TSACC: variants seen among roughly 807,000 people sequenced by gnomAD.
TSACC encodes TSSK6-activating co-chaperone protein.
Under a neutral mutation model 6.9 loss-of-function variants are expected in TSACC, and 3 were observed. That is an observed-to-expected ratio of 0.43 (90% CI 0.20 to 1.12). The LOEUF (loss-of-function observed/expected upper bound fraction) is 1.12, where lower values mean the gene tolerates loss of function less well. TSACC is among the 50% of genes most tolerant of loss of function. TSACC has a pLI of 0.28. For synonymous variants in TSACC, 54 were observed against 55.1 expected (o/e 0.98, Z 0.09); for missense variants, 137 against 143.9 (o/e 0.95, Z 0.24).
At chr1:156,343,581 C>T (rs549845728) in intron 2 of TSACC, among the ~76,000 whole-genome samples, 3 of 152,186 alleles carry the variant, frequency 2.0e-5, no homozygotes, top group Admixed American at 6.5e-5. Flanking sequence ...TCTGGCCCAA[C>T]TTACCTCATG....
chr1:156,339,440 G>A (rs1177361242), intron 1 of TSACC, among the ~76,000 whole-genome samples, 194 bp from the exon 2 acceptor site: 1 of 152,106 alleles, frequency 6.6e-6, no homozygotes, highest in Non-Finnish European at 1.5e-5. Context: ...GTGAGAACAC[G>A]GAAAGTAACT....
chr1:156,341,443 C>T (rs144352134), intron 2 of TSACC, among the ~76,000 whole-genome samples: 1 of 152,312 alleles, frequency 6.6e-6, no homozygotes, highest in Non-Finnish European at 1.5e-5. Context: ...TGACTGTCTA[C>T]ACTGCAAGAC....
chr1:156,344,474 T>A, intron 2 of TSACC, 106 bp from the exon 3 acceptor site: 1 of 1,447,734 alleles, frequency 6.9e-7, no homozygotes, highest in Non-Finnish European at 9.3e-7. Context: ...TGTAACATAT[T>A]CACGGCAGGG....
At chr1:156,342,772 T>C (rs1323088479) in intron 2 of TSACC, among the ~76,000 whole-genome samples, 7 of 152,246 alleles carry the variant, frequency 4.6e-5, no homozygotes, top group Admixed American at 3.9e-4. Context: ...TAGTGACCAC[T>C]TCTGTTTAGC....
rs1323269460 is a variant in TSACC, at chr1:156,344,701, G to T, written c.156G>T (p.Leu52=). 4 of 1,613,764 alleles carry T rather than the reference G, an allele frequency of 2.5e-6. No homozygotes were observed. In the African/African-American group the frequency reaches 5.3e-5, roughly 22 times the overall value. Residue 52 remains leucine, a synonymous_variant, in exon 3 of 4, where the codon CTG becomes CTT. Coordinates refer to ENST00000368254, the MANE Select transcript of TSACC (RefSeq NM_001304817.2). ...TTCTGAACATCCAGACAACAAAGCT[G>T]CCCTCGGGTAAGGATGTAGGGAGGG... The part of the protein sequence containing the change: ...ATFLNIQTTK[L]PSVDHKPKEC...
rs2101708700 is a variant in TSACC at position 156,342,273 on chromosome 1, A to G, written c.35-2307A>G. On this transcript the variant is annotated intron_variant, in intron 2 of 3. Coordinates refer to ENST00000368254, the MANE Select transcript of TSACC (RefSeq NM_001304817.2). ...AAGTGACTGATGACTCTGGAGCAGG[A>G]GGGAAAAGAAGATGGATGACCTACC... 2.0e-5 allele frequency among the ~76,000 whole-genome samples: 3 copies of G among 152,292 alleles called. No individual in the cohort carries two copies. The Middle Eastern group carries it at 0.01, about 518-fold the overall frequency.
intron 3 of TSACC, among the ~76,000 whole-genome samples, chr1:156,345,827 G>A (rs1047185492): frequency 6.1e-5 from 9 of 148,052 alleles, no homozygotes; most frequent in African/African-American, 1.5e-4. Context: ...GGATTGTGCC[G>A]CTGCACTGCA....
rs189476961 is a variant in TSACC, at chr1:156,344,152, T to C, written c.35-428T>C. Among the ~76,000 whole-genome samples, 26 of 152,344 alleles carry C rather than the reference T, an allele frequency of 1.7e-4. No homozygotes were observed. In the East Asian group the frequency reaches 4.4e-3, roughly 26 times the overall value. On this transcript the variant is annotated intron_variant, in intron 2 of 3. Transcript: ENST00000368254. ...TTTAAGAAACATTCATTTTTACCTT[T>C]AATCACATAGTATAACTAACAGATA...
chr1:156,346,898 T>A lies in TSACC; in HGVS notation c.294T>A (p.Ala98=). 1 of 1,614,202 alleles carries A rather than the reference T, an allele frequency of 6.2e-7. No individual in the cohort carries two copies. ...TACAGGCATCTGTGACACAACTGGC[T>A]CCTGGGAGGGGAAGCAATAACTCTT... ...EHLQASVTQL[A]PGRGSNNSSL... is the part of the protein sequence containing the mutation. The change falls in exon 4 of 4, where the codon GCT becomes GCA. Residue 98 remains alanine, a synonymous_variant. Transcript: ENST00000368254.
rs1490659007 is a variant in TSACC at position 156,344,624 on chromosome 1, A to G, written c.79A>G (p.Lys27Glu). The change falls in exon 3 of 4, where the codon AAA (lysine) becomes GAA (glutamate). Residue 27 changes from lysine (K) to glutamate (E), a missense_variant. Physicochemically the swap from Lys to Glu is moderately conservative, Grantham distance 56 (BLOSUM62 1). Transcript: ENST00000368254. The stretch of plus-strand genomic sequence containing the variant: ...TAATGCTGTGCCTCTCTGTAGAGCA[A>G]AACCCTCCCCCAGCTATATTAATCT... Reference protein sequence around the residue: ...EANAVPLCRAKPSPSYINLQA... With the variant: ...EANAVPLCRAEPSPSYINLQA... The G allele has an allele frequency of 6.2e-7, 1 of 1,613,962 alleles. No homozygotes were observed. Among genetic ancestry groups the G allele is most frequent in the Non-Finnish European group, 8.5e-7 (1 of 1,180,008 alleles).
At chr1:156,338,905 G>A (rs1019282487) in intron 1 of TSACC, 7 of 152,746 alleles carry the variant, frequency 4.6e-5, no homozygotes, top group African/African-American at 1.4e-4. Context: ...CTTTCAGTGA[G>A]GCTGTGAGCA....
At chr1:156,341,462 C>G (rs1339418263) in intron 2 of TSACC, among the ~76,000 whole-genome samples, 2 of 152,264 alleles carry the variant, frequency 1.3e-5, no homozygotes, top group South Asian at 4.1e-4. Context: ...ACTATCAGTT[C>G]CAGGAGAGTA....
upstream of TSACC, chr1:156,338,254 A>G (rs370238899): frequency 1.0e-4 from 158 of 1,509,454 alleles, no homozygotes; most frequent in Middle Eastern, 8.5e-4. Flanking sequence ...AGAGAGAACC[A>G]GACAGAAGCC....
upstream of TSACC, chr1:156,338,506 G>C (rs929652215): frequency 2.0e-6 from 1 of 512,176 alleles, no homozygotes; most frequent in Non-Finnish European, 3.5e-6. Flanking sequence ...GAACGTCGGC[G>C]CAGGCGCCAA....
rs374762743 is a variant in TSACC at position 156,344,502 on chromosome 1, A to G, written c.35-78A>G. Reference sequence around the variant, plus strand: ...CGGCAGGGCCTGGGCACCTGCTTTCATGGACCAGGTGCAGGGATCTAATTA... The same window carrying G: ...CGGCAGGGCCTGGGCACCTGCTTTCGTGGACCAGGTGCAGGGATCTAATTA... On this transcript the variant is annotated intron_variant, in intron 2 of 3. Transcript: ENST00000368254. The G allele has an allele frequency of 9.1e-6, 14 of 1,542,270 alleles. No homozygotes were observed. In the East Asian group the frequency reaches 2.3e-4, roughly 25 times the overall value.
rs1165509609 is a variant in TSACC, at chr1:156,339,630, G to C, written c.-124-4G>C. 1.0e-5 allele frequency: 12 copies of C among 1,178,104 alleles called. No homozygotes were observed. Among genetic ancestry groups the C allele is most frequent in the Non-Finnish European group, 1.4e-5 (12 of 827,620 alleles). 73.0% of individuals were successfully genotyped at this position (1,178,104 alleles called of 1,614,324 possible). On this transcript the variant is annotated splice_polypyrimidine_tract_variant and splice_region_variant and intron_variant, in intron 1 of 3. Transcript: ENST00000368254. ...AATAGAGTTTCCTACTTTTTCCTCT[G>C]CAGATTGGAACAGGCTGAGATCTGC...
At position 156,344,466 on chromosome 1, in the gene TSACC, TAACATA is replaced by T. The variant is rs1666055970; in HGVS notation, c.35-113_35-108del. On this transcript the variant is annotated intron_variant, in intron 2 of 3. Transcript: ENST00000368254. The stretch of plus-strand genomic sequence containing the variant: ...TTGTCTTATGTATCTTTCTGATATG[TAACATA>T]TTCACGGCAGGGCCTGGGCACCTGC... 1.4e-5 allele frequency: 20 copies of T among 1,404,444 alleles called. No homozygotes were observed. In the South Asian group the frequency reaches 2.8e-4, roughly 19 times the overall value. The allele number at this position is 1,404,444 out of a possible 1,614,324, so 87.0% of individuals were successfully genotyped here.
intron 1 of TSACC, 74 bp from the exon 2 acceptor site, chr1:156,339,560 G>A (rs1186087086): frequency 1.8e-6 from 1 of 565,714 alleles, no homozygotes; most frequent in Non-Finnish European, 3.1e-6. Context: ...TGAAGGGGCC[G>A]TGAGAGCACC....
rs767619985 is a variant in TSACC at position 156,346,949 on chromosome 1, A to T, written c.345A>T (p.Pro115=). 6.2e-7 allele frequency: 1 copy of T among 1,614,086 alleles called. No homozygotes were observed. The change falls in exon 4 of 4, where the codon CCA becomes CCT. Residue 115 remains proline, a synonymous_variant. Coordinates refer to ENST00000368254, the MANE Select transcript of TSACC (RefSeq NM_001304817.2). ...NSSLPALSPN[P]LLNHLPQFSK ...CTCTCCCAGCCTTATCTCCTAATCCATTGTTAAATCACCTGCCCCAATTCA... is the reference window on the plus strand; with the variant it reads ...CTCTCCCAGCCTTATCTCCTAATCCTTTGTTAAATCACCTGCCCCAATTCA...
Sources: gnomAD v4.1 joint callset for allele counts (sites outside exome capture counted in the v4.1 genomes callset) on GRCh38, gnomAD v4.1.1 for gene constraint, MANE v1.5 for transcripts, NCBI Gene and HGNC (gene_info 2026-07-23, HGNC 2026-07-21) for gene names.